TMEM30A: variants seen among roughly 807,000 people sequenced by gnomAD.
TMEM30A encodes cell cycle control protein 50A.
Under a neutral mutation model 38.2 loss-of-function variants are expected in TMEM30A, and 24 were observed. The ratio of observed to expected loss-of-function variants is 0.63; its 90% CI spans 0.46 to 0.88. The LOEUF is 0.88. TMEM30A is among the 40% of genes least tolerant of loss of function. TMEM30A has a pLI of 0.00. For synonymous variants in TMEM30A, 145 were observed against 161.6 expected (o/e 0.90, Z 0.78); for missense variants, 370 against 458.6 (o/e 0.81, Z 1.77).
intron 6 of TMEM30A, 57 bp downstream of exon 6, chr6:75,258,723 T>TAACA: frequency 1.3e-6 from 2 of 1,492,870 alleles, no homozygotes; most frequent in Non-Finnish European, 1.9e-6. Flanking sequence ...AGATATAAGG[T>TAACA]TGGACTCGAC....
Position 75,258,077 on chromosome 6 carries a change from T to C in TMEM30A, c.892+703A>G, listed in dbSNP as rs146679702. Among the ~76,000 whole-genome samples the C allele has an allele frequency of 5.9e-5, 9 of 152,334 alleles. No individual in the cohort carries two copies. In the East Asian group the frequency reaches 1.5e-3, roughly 26 times the overall value. ...ATGTTGGTAGCTGAGAGTAAAATTA[T>C]GGCCTTTGGAGTCAACAGCCTGGTT... is the stretch of plus-strand genomic sequence containing the variant. On this transcript the variant is annotated intron_variant, in intron 6 of 6. Transcript: ENST00000230461.
Position 75,258,783 on chromosome 6 carries a change from A to G in TMEM30A, c.889T>C (p.Tyr297His). ...ATACCCAGCCAAAAAAGGATACTGT[A>G]TGTGACATTCAAAGAGTATCGGCCA... ...PAGRYSLNVT[Y>H]NYPVHYFDGR... The change falls in exon 6 of 7, where the codon TAC becomes CAC. Residue 297 changes from tyrosine (Y) to histidine (H), a missense_variant. Transcript: ENST00000230461. 6.2e-7 allele frequency: 1 copy of G among 1,613,604 alleles called. No homozygotes were observed. Among genetic ancestry groups the G allele is most frequent in the Non-Finnish European group, 8.5e-7 (1 of 1,179,608 alleles).
At position 75,259,525 on chromosome 6, in the gene TMEM30A, C is replaced by T. The variant is rs183409691; in HGVS notation, c.542-35G>A. On this transcript the variant is annotated intron_variant, in intron 4 of 6. Coordinates refer to ENST00000230461, the MANE Select transcript of TMEM30A (RefSeq NM_018247.4). ...AGCAAAGAAAGACATTACTAACTAT[C>T]TCTTGAAAACTCATAGCATCTGCTT... 484 of 1,540,498 alleles carry T rather than the reference C, an allele frequency of 3.1e-4. No homozygotes were observed. The African/African-American group carries it at 6.2e-3, about 20-fold the overall frequency.
At chr6:75,276,236 A>G (rs1242588439) in intron 1 of TMEM30A, among the ~76,000 whole-genome samples, 1 of 152,202 alleles carries the variant, frequency 6.6e-6, no homozygotes, top group Non-Finnish European at 1.5e-5. Context: ...CCTGTGTAAT[A>G]TCCTTTATAA....
At chr6:75,267,500 G>A (rs1022683138) in intron 2 of TMEM30A, 141 bp downstream of exon 2, 2 of 502,360 alleles carry the variant, frequency 4.0e-6, no homozygotes, top group Non-Finnish European at 6.8e-6. Flanking sequence ...CACACAAAAC[G>A]ATCTTCCTCA....
intron 1 of TMEM30A, among the ~76,000 whole-genome samples, chr6:75,270,473 T>C (rs1772146451): frequency 6.6e-6 from 1 of 152,054 alleles, no homozygotes; most frequent in Non-Finnish European, 1.5e-5. Context: ...GCTCCTATGA[T>C]GGGATTAGTG....
chr6:75,266,442 T>G (rs1401541935), intron 2 of TMEM30A, among the ~76,000 whole-genome samples: 1 of 152,176 alleles, frequency 6.6e-6, no homozygotes, highest in African/African-American at 2.4e-5. Context: ...CGAGATTCAG[T>G]ACAGTAAATT....
chr6:75,265,790 G>C (rs957467097), intron 2 of TMEM30A, among the ~76,000 whole-genome samples: 1 of 151,958 alleles, frequency 6.6e-6, no homozygotes, highest in African/African-American at 2.4e-5. Flanking sequence ...TCCTGGGCTT[G>C]AGCCGTTCTA....
intron 1 of TMEM30A, among the ~76,000 whole-genome samples, chr6:75,275,417 T>C (rs567318920): frequency 1.3e-5 from 2 of 152,310 alleles, no homozygotes; most frequent in East Asian, 3.9e-4. Context: ...GGATGTCTAA[T>C]GGCATCTCAT....
chr6:75,278,408 TGTGTGGCCTTGTTACTAAGTGGAG>T (rs1443386750), intron 1 of TMEM30A, among the ~76,000 whole-genome samples: 1 of 152,216 alleles, frequency 6.6e-6, no homozygotes, highest in Non-Finnish European at 1.5e-5. Context: ...CCTTGTAGCT[TGTGTGGCCTTGTTACTAAGTGGAG>T]GTGGTACATG....
At chr6:75,269,358 T>A (rs1772127255) in intron 1 of TMEM30A, among the ~76,000 whole-genome samples, 1 of 152,210 alleles carries the variant, frequency 6.6e-6, no homozygotes, top group South Asian at 2.1e-4. Context: ...TCCTCATAGT[T>A]TTGTACTTTC....
intron 1 of TMEM30A, among the ~76,000 whole-genome samples, chr6:75,269,782 C>A (rs1314009869): frequency 6.6e-6 from 1 of 152,168 alleles, no homozygotes; most frequent in Non-Finnish European, 1.5e-5. Context: ...GCAACCTCCG[C>A]CTCCTGGGTT....
At chr6:75,276,072 T>A (rs892136657) in intron 1 of TMEM30A, among the ~76,000 whole-genome samples, 1 of 152,152 alleles carries the variant, frequency 6.6e-6, no homozygotes, top group Non-Finnish European at 1.5e-5. Flanking sequence ...GAAGCCTTCA[T>A]GAAAACTCAA....
Position 75,265,167 on chromosome 6 carries a change from T to C in TMEM30A, c.453+64A>G, listed in dbSNP as rs544451593. On this transcript the variant is annotated intron_variant, in intron 3 of 6. Coordinates refer to ENST00000230461, the MANE Select transcript of TMEM30A (RefSeq NM_018247.4). ...TTAATTTCATCCTAACAATTCTAACTGAACAGTTACTACATATTCTTATTT... is the reference window on the plus strand; with the variant it reads ...TTAATTTCATCCTAACAATTCTAACCGAACAGTTACTACATATTCTTATTT... 22 of 1,013,492 alleles carry C rather than the reference T, an allele frequency of 2.2e-5. No individual in the cohort carries two copies. In the African/African-American group the frequency reaches 3.7e-4, roughly 17 times the overall value. 62.8% of individuals were successfully genotyped at this position (1,013,492 alleles called of 1,614,324 possible).
chr6:75,260,852 A>G lies in TMEM30A; in HGVS notation c.513T>C (p.Cys171=), dbSNP rs775286149. 2 of 1,600,198 alleles carry G rather than the reference A, an allele frequency of 1.2e-6. No homozygotes were observed. Among genetic ancestry groups the G allele is most frequent in the Non-Finnish European group, 1.7e-6 (2 of 1,176,438 alleles). Residue 171 remains cysteine, a synonymous_variant, in exon 4 of 7, where the codon TGT becomes TGC. Coordinates refer to ENST00000230461, the MANE Select transcript of TMEM30A (RefSeq NM_018247.4). ...TAAACATGCTGTTGGCAATAGCTCC[A>G]CAAGGAGCAATTGGTTTGTCTTCAT... is the stretch of plus-strand genomic sequence containing the variant. ...RRNEDKPIAP[C]GAIANSMFND...
intron 1 of TMEM30A, among the ~76,000 whole-genome samples, chr6:75,275,211 C>T (rs1004906656): frequency 6.6e-5 from 10 of 152,160 alleles, no homozygotes; most frequent in African/African-American, 2.4e-4. Context: ...ACTGGAGTGA[C>T]TCAGGGATCT....
intron 1 of TMEM30A, among the ~76,000 whole-genome samples, chr6:75,273,330 T>C (rs928551382): frequency 2.6e-5 from 4 of 152,194 alleles, no homozygotes; most frequent in Admixed American, 2.0e-4. Flanking sequence ...CTTTCATTTC[T>C]TTCTGACTGC....
At chr6:75,284,252 G>GA (rs1772416987) in intron 1 of TMEM30A, 150 bp downstream of exon 1, 7 of 757,274 alleles carry the variant, frequency 9.2e-6, no homozygotes, top group Non-Finnish European at 1.6e-5. Flanking sequence ...GAAAGAGAAA[G>GA]AAAAAACAGA....
chr6:75,272,470 A>C (rs1325169134), intron 1 of TMEM30A: 1 of 152,208 alleles, frequency 6.6e-6, no homozygotes, highest in Non-Finnish European at 1.5e-5. Flanking sequence ...TTACCTATTT[A>C]GGAAAGTTTT....
Sources: gnomAD v4.1 joint callset for allele counts (sites outside exome capture counted in the v4.1 genomes callset) on GRCh38, gnomAD v4.1.1 for gene constraint, MANE v1.5 for transcripts, NCBI Gene and HGNC (gene_info 2026-07-23, HGNC 2026-07-21) for gene names.